BICD1: variants seen among roughly 807,000 people sequenced by gnomAD.
BICD1 encodes protein bicaudal D homolog 1.
BICD1 carries 35 observed loss-of-function variants against 92.5 expected under a neutral mutation model. The ratio of observed to expected loss-of-function variants is 0.38; its 90% CI spans 0.29 to 0.50. The LOEUF (loss-of-function observed/expected upper bound fraction) is 0.50, where lower values mean the gene tolerates loss of function less well. BICD1 is among the 20% of genes least tolerant of loss of function. BICD1 has a pLI of 0.93. For missense variants in BICD1, 950 were observed against 1,189.8 expected (o/e 0.80, Z 2.97); for synonymous variants, 429 against 465.1 (o/e 0.92, Z 1.00).
chr12:32,376,887 G>T lies in BICD1; in HGVS notation c.2841-653G>T, dbSNP rs1374297570. 1.7e-4 allele frequency among the ~76,000 whole-genome samples: 21 copies of T among 127,076 alleles called. 1 individual carries two copies. Among genetic ancestry groups the T allele is most frequent in the South Asian group, 6.0e-4 (2 of 3,306 alleles). The allele number at this position is 127,076 out of a possible 152,430, so 83.4% of individuals were successfully genotyped here. ...CATCTAAAAAAAAAAGGGGGGGGGG[G>T]GTGAAATATAAAACTCTTCCTTATA... On this transcript the variant is annotated intron_variant, in intron 9 of 9. Transcript: ENST00000652176.
intron 2 of BICD1, among the ~76,000 whole-genome samples, chr12:32,259,836 A>C (rs1946809482): frequency 6.6e-6 from 1 of 152,162 alleles, no homozygotes; most frequent in Non-Finnish European, 1.5e-5. Context: ...CTTTCTGCAG[A>C]GTAGGCTTAT....
At chr12:32,141,466 A>G (rs1174311973) in intron 1 of BICD1, among the ~76,000 whole-genome samples, 2 of 151,872 alleles carry the variant, frequency 1.3e-5, no homozygotes, top group South Asian at 4.2e-4. Flanking sequence ...CTTCCTTTGG[A>G]CACACTTTTT....
intron 2 of BICD1, among the ~76,000 whole-genome samples, chr12:32,277,739 A>C (rs1341374843): frequency 1.3e-5 from 2 of 152,204 alleles, no homozygotes; most frequent in African/African-American, 2.4e-5. Context: ...TGATTTGCAA[A>C]TCAAGCTGTA....
intron 8 of BICD1, chr12:32,340,163 T>C (rs1023573236): frequency 9.1e-6 from 9 of 985,398 alleles, no homozygotes; most frequent in Non-Finnish European, 9.6e-6. Context: ...TTTCCTTATC[T>C]GATTCATGAA....
In BICD1 at chr12:32,305,726, T is replaced by A. The variant is rs1369226558; in HGVS notation, c.609T>A (p.Ile203=). The A allele has an allele frequency of 1.2e-6, 2 of 1,613,582 alleles. No homozygotes were observed. The highest frequency in any genetic ancestry group is 1.7e-6 in the Non-Finnish European group (2 of 1,179,854). ...AATACGAAGGCTTAAAGCATGAGAT[T>A]AAGCGATTTGAGGAGGAGACGGTAC... ...QVEYEGLKHE[I]KRFEEETVLL... The change falls in exon 4 of 10, where the codon ATT becomes ATA. Residue 203 remains isoleucine, a synonymous_variant. Transcript: ENST00000652176.
chr12:32,374,839 G>A (rs1316720531), intron 9 of BICD1, among the ~76,000 whole-genome samples: 3 of 144,402 alleles, frequency 2.1e-5, no homozygotes, highest in African/African-American at 7.7e-5. Flanking sequence ...CGCCTGCCTC[G>A]GCCTCCCAAA....
chr12:32,174,331 T>A (rs1944033226), intron 1 of BICD1, among the ~76,000 whole-genome samples: 1 of 152,108 alleles, frequency 6.6e-6, no homozygotes, highest in African/African-American at 2.4e-5. Flanking sequence ...AATATTGTAT[T>A]TTTCAGTTAA....
chr12:32,287,770 C>T (rs1486088020), intron 2 of BICD1, among the ~76,000 whole-genome samples: 2 of 152,202 alleles, frequency 1.3e-5, no homozygotes, highest in African/African-American at 4.8e-5. Context: ...ATCTCTTGAC[C>T]TTGTGATCCG....
intron 9 of BICD1, among the ~76,000 whole-genome samples, chr12:32,368,643 T>A (rs947287026): frequency 6.6e-6 from 1 of 152,028 alleles, no homozygotes; most frequent in Non-Finnish European, 1.5e-5. Context: ...TGCAGTGAGC[T>A]GAGCTGGTGC....
At chr12:32,214,179 A>G (rs1237866200) in intron 1 of BICD1, among the ~76,000 whole-genome samples, 3 of 152,152 alleles carry the variant, frequency 2.0e-5, no homozygotes, top group Admixed American at 2.0e-4. Flanking sequence ...TTTTAAATGC[A>G]TGTTGTAACT....
chr12:32,376,119 C>CTGTT (rs1399971807), intron 9 of BICD1, among the ~76,000 whole-genome samples: 4 of 151,262 alleles, frequency 2.6e-5, no homozygotes, highest in Admixed American at 1.3e-4. Context: ...GAGTCTCGCC[C>CTGTT]TGTTGCCAAA....
At chr12:32,154,974 A>G (rs1269777904) in intron 1 of BICD1, among the ~76,000 whole-genome samples, 2 of 152,190 alleles carry the variant, frequency 1.3e-5, no homozygotes, top group Admixed American at 6.5e-5. Context: ...TTCTGCAATT[A>G]GACAGAAAAA....
At chr12:32,210,123 T>G (rs1945170227) in intron 1 of BICD1, among the ~76,000 whole-genome samples, 1 of 142,290 alleles carries the variant, frequency 7.0e-6, no homozygotes, top group Non-Finnish European at 1.5e-5. Context: ...GATCACAGAG[T>G]TTTTTTTTTT....
At chr12:32,184,801 A>G (rs1944383268) in intron 1 of BICD1, among the ~76,000 whole-genome samples, 1 of 152,186 alleles carries the variant, frequency 6.6e-6, no homozygotes, top group Non-Finnish European at 1.5e-5. Flanking sequence ...TCTCTCTTCA[A>G]CTCATAAAAT....
chr12:32,225,621 G>GTTTTTGTTTTTGTTTTTTT (rs1411722126), intron 2 of BICD1, among the ~76,000 whole-genome samples: 1 of 92,776 alleles, frequency 1.1e-5, no homozygotes, highest in Non-Finnish European at 2.1e-5. Flanking sequence ...CTTTTTTTCT[G>GTTTTTGTTTTTGTTTTTTT]TTTTTTTTTT....
At chr12:32,300,947 G>T (rs1324179554) in intron 3 of BICD1, among the ~76,000 whole-genome samples, 1 of 151,872 alleles carries the variant, frequency 6.6e-6, no homozygotes, top group East Asian at 1.9e-4. Flanking sequence ...CACTGCGCCC[G>T]GCCCAACTTT....
intron 1 of BICD1, among the ~76,000 whole-genome samples, chr12:32,142,546 TTTA>T (rs1367604837): frequency 7.5e-6 from 1 of 134,208 alleles, no homozygotes; most frequent in African/African-American, 2.8e-5. Context: ...TTAAAAATGC[TTTA>T]TTGTTATTTA....
chr12:32,273,134 C>A (rs1947185630), intron 2 of BICD1, among the ~76,000 whole-genome samples: 1 of 152,116 alleles, frequency 6.6e-6, no homozygotes, highest in Non-Finnish European at 1.5e-5. Context: ...GATTTTTGGT[C>A]ACTGACAGGC....
chr12:32,293,983 T>G lies in BICD1; in HGVS notation c.427-11T>G. On this transcript the variant is annotated splice_polypyrimidine_tract_variant and intron_variant, in intron 2 of 9. Transcript: ENST00000652176. ...AGAGTTATATATTGACTGTTTACTC[T>G]GTTGTTTCAGAACAATGAGATGGTG... 1 of 1,610,902 alleles carries G rather than the reference T, an allele frequency of 6.2e-7. No individual in the cohort carries two copies. The highest frequency in any genetic ancestry group is 8.5e-7 in the Non-Finnish European group (1 of 1,179,046).
Sources: gnomAD v4.1 joint callset for allele counts (sites outside exome capture counted in the v4.1 genomes callset) on GRCh38, gnomAD v4.1.1 for gene constraint, MANE v1.5 for transcripts, NCBI Gene and HGNC (gene_info 2026-07-23, HGNC 2026-07-21) for gene names.